SLC1A3: variants seen among roughly 807,000 people sequenced by gnomAD.
SLC1A3 encodes solute carrier family 1 member 3.
Under a neutral mutation model 48.1 loss-of-function variants are expected in SLC1A3, and 21 were observed. The ratio of observed to expected loss-of-function variants is 0.44; its 90% CI spans 0.31 to 0.63. SLC1A3 has a LOEUF of 0.63. SLC1A3 is among the 20% of genes least tolerant of loss of function. The pLI is 0.08. For missense variants in SLC1A3, 546 were observed against 689.0 expected (o/e 0.79, Z 2.32); for synonymous variants, 239 against 251.4 (o/e 0.95, Z 0.47).
rs114520036 is a variant in SLC1A3 at position 36,612,697 on chromosome 5, C to A, written c.181+4093C>A. On this transcript the variant is annotated intron_variant, in intron 2 of 9. Transcript: ENST00000265113. ...TTAAGTGTATTAACTTTATTTAATT[C>A]TCACAACAACCCAGAGAGGGAGGTA... The A allele has an allele frequency of 5.0e-3, 2,124 of 424,284 alleles. 36 individuals are homozygous for A. The highest frequency in any genetic ancestry group is 0.035 in the African/African-American group (1,743 of 49,114). The allele number at this position is 424,284 out of a possible 1,614,324, so 26.3% of individuals were successfully genotyped here.
At chr5:36,620,502 AG>A (rs1176425529) in intron 2 of SLC1A3, among the ~76,000 whole-genome samples, 1 of 152,240 alleles carries the variant, frequency 6.6e-6, no homozygotes, top group Non-Finnish European at 1.5e-5. Flanking sequence ...GGATTGCAGT[AG>A]GGAATCAGAT....
chr5:36,673,325 C>T (rs1274306455), intron 4 of SLC1A3, among the ~76,000 whole-genome samples: 1 of 152,192 alleles, frequency 6.6e-6, no homozygotes, highest in Non-Finnish European at 1.5e-5. Flanking sequence ...CCAATCTCCT[C>T]TTTAAGAGAT....
chr5:36,628,625 A>T lies in SLC1A3; in HGVS notation c.182-825A>T, dbSNP rs77781289. ...GGTAAAGGGGAGAGGGAGTAAATTT[A>T]CACTTTTATTGACACCAATACCTTT... is the stretch of plus-strand genomic sequence containing the variant. On this transcript the variant is annotated intron_variant, in intron 2 of 9. Coordinates refer to ENST00000265113, the MANE Select transcript of SLC1A3 (RefSeq NM_004172.5). 4.1e-3 allele frequency among the ~76,000 whole-genome samples: 622 copies of T among 152,328 alleles called. 17 individuals are homozygous for T. In the East Asian group the frequency reaches 0.057, roughly 14 times the overall value.
At position 36,679,697 on chromosome 5, in the gene SLC1A3, G is replaced by A. The variant is rs766481298; in HGVS notation, c.931G>A (p.Gly311Arg). The A allele has an allele frequency of 1.2e-6, 2 of 1,613,974 alleles. No individual in the cohort carries two copies. Among genetic ancestry groups the A allele is most frequent in the South Asian group, 2.2e-5 (2 of 91,084 alleles). The change falls in exon 7 of 10, where the codon GGG (glycine) becomes AGG (arginine). Residue 311 changes from glycine to arginine, a missense_variant. By Grantham distance (125) the Gly-to-Arg change is moderately radical (BLOSUM62 -2). This residue lies in a region of SLC1A3 where 348 missense variants were observed against 392.0 expected (regional missense o/e 0.89). Transcript: ENST00000265113. ...GGAGATGGAAGACATGGGTGTGATTGGGGGGCAGCTTGCCATGTACACCGT... is the reference window on the plus strand; with the variant it reads ...GGAGATGGAAGACATGGGTGTGATTAGGGGGCAGCTTGCCATGTACACCGT... Reference protein sequence around the residue: ...IVEMEDMGVIGGQLAMYTVTV... With the variant: ...IVEMEDMGVIRGQLAMYTVTV...
intron 3 of SLC1A3, 75 bp downstream of exon 3, chr5:36,629,662 G>T (rs1740060766): frequency 7.7e-7 from 1 of 1,300,576 alleles, no homozygotes; most frequent in Non-Finnish European, 1.1e-6. Flanking sequence ...AGAAAAGCCA[G>T]TGCTTTAGGT....
At chr5:36,684,087 A>G in intron 9 of SLC1A3, 89 bp downstream of exon 9, 1 of 1,525,932 alleles carries the variant, frequency 6.6e-7, no homozygotes, top group Non-Finnish European at 9.1e-7. Context: ...ACATCTACAG[A>G]AAGAACTCTG....
intron 2 of SLC1A3, among the ~76,000 whole-genome samples, chr5:36,616,733 TATC>T (rs895756643): frequency 3.3e-5 from 5 of 152,184 alleles, no homozygotes; most frequent in South Asian, 4.1e-4. Flanking sequence ...TTACTTGAAA[TATC>T]ATCTTTCAAG....
Position 36,632,144 on chromosome 5 carries a change from C to T in SLC1A3, c.319+2557C>T, listed in dbSNP as rs190561717. On this transcript the variant is annotated intron_variant, in intron 3 of 9. Transcript: ENST00000265113. ...AAGTATGATGATAAACGGAGAGGGA[C>T]CCAACTACAGAATAATATGGCAAAA... Among the ~76,000 whole-genome samples, 504 of 152,224 alleles carry T rather than the reference C, an allele frequency of 3.3e-3. 16 individuals are homozygous for T. In the East Asian group the frequency reaches 0.057, roughly 17 times the overall value.
intron 3 of SLC1A3, among the ~76,000 whole-genome samples, chr5:36,632,859 A>G (rs1231160060): frequency 1.3e-5 from 2 of 152,210 alleles, no homozygotes; most frequent in African/African-American, 4.8e-5. Context: ...CTTGTAAGCC[A>G]TGTTCCCTTT....
upstream of SLC1A3, chr5:36,606,516 C>T (rs1203919980): frequency 1.3e-5 from 2 of 152,456 alleles, no homozygotes; most frequent in South Asian, 4.1e-4. Context: ...TCCCCCTCCT[C>T]CCTGTGCGGT....
At position 36,629,427 on chromosome 5, in the gene SLC1A3, CTTTT is replaced by C. The variant is rs78316512; in HGVS notation, c.182-11_182-8del. On this transcript the variant is annotated intron_variant, in intron 2 of 9. Transcript: ENST00000265113. ...CAAAAAAGACTCAATTTTTCTTTTT[CTTTT>C]TTTTTTTTTTTCCTTCAGGTACAAT... 4.4e-4 allele frequency: 646 copies of C among 1,451,892 alleles called. No individual in the cohort carries two copies. The highest frequency in any genetic ancestry group is 1.0e-3 in the Admixed American group (57 of 55,018). The allele number at this position is 1,451,892 out of a possible 1,614,324, so 89.9% of individuals were successfully genotyped here.
intron 2 of SLC1A3, among the ~76,000 whole-genome samples, chr5:36,627,934 C>T (rs1739976356): frequency 6.6e-6 from 1 of 152,118 alleles, no homozygotes; most frequent in African/African-American, 2.4e-5. Flanking sequence ...AAATAGTACC[C>T]TCCTCCTGGG....
intron 3 of SLC1A3, among the ~76,000 whole-genome samples, chr5:36,651,423 C>T (rs1173476390): frequency 2.0e-5 from 3 of 152,258 alleles, no homozygotes; most frequent in Middle Eastern, 3.4e-3. Flanking sequence ...GTAGCATGTT[C>T]TTCCTAAAAC....
chr5:36,657,538 C>A (rs147088914), intron 3 of SLC1A3, among the ~76,000 whole-genome samples: 1 of 152,190 alleles, frequency 6.6e-6, no homozygotes, highest in Admixed American at 6.5e-5. Context: ...CTTTAATCAA[C>A]GACTCAACAA....
intron 2 of SLC1A3, among the ~76,000 whole-genome samples, chr5:36,625,049 A>G (rs1413558115): frequency 6.6e-6 from 1 of 152,256 alleles, no homozygotes; most frequent in Non-Finnish European, 1.5e-5. Flanking sequence ...GAGGCATTAA[A>G]AGAGTAACGG....
At position 36,624,963 on chromosome 5, in the gene SLC1A3, A is replaced by G. The variant is rs149516340; in HGVS notation, c.182-4487A>G. Among the ~76,000 whole-genome samples, 554 of 152,280 alleles carry G rather than the reference A, an allele frequency of 3.6e-3. 4 individuals carry two copies. Among genetic ancestry groups the G allele is most frequent in the African/African-American group, 0.013 (537 of 41,542 alleles). On this transcript the variant is annotated intron_variant, in intron 2 of 9. Coordinates refer to ENST00000265113, the MANE Select transcript of SLC1A3 (RefSeq NM_004172.5). The stretch of plus-strand genomic sequence containing the variant: ...GGCGTTCACCATGTAGGAGTTCAAG[A>G]TGCTAAAGACCCAGGAACCAGGCTC...
intron 2 of SLC1A3, among the ~76,000 whole-genome samples, chr5:36,627,960 A>T (rs528933700): frequency 1.1e-4 from 17 of 152,328 alleles, no homozygotes; most frequent in African/African-American, 2.9e-4. Flanking sequence ...TGCAAGGATT[A>T]AATTTGCTGC....
intron 8 of SLC1A3, among the ~76,000 whole-genome samples, chr5:36,682,183 C>T (rs1166530903): frequency 6.6e-6 from 1 of 152,210 alleles, no homozygotes; most frequent in Non-Finnish European, 1.5e-5. Flanking sequence ...ACAGATTTTA[C>T]TTCCAGACCA....
At chr5:36,673,985 C>A in intron 4 of SLC1A3, 64 bp from the exon 5 acceptor site, 1 of 1,293,048 alleles carries the variant, frequency 7.7e-7, no homozygotes, top group Non-Finnish European at 1.1e-6. Context: ...CACAATGAAA[C>A]AGAATTTAAG....
Sources: gnomAD v4.1 joint callset for allele counts (sites outside exome capture counted in the v4.1 genomes callset) on GRCh38, gnomAD v4.1.1 for gene constraint, gnomAD v4.1.1 regional missense constraint, MANE v1.5 for transcripts, NCBI Gene and HGNC (gene_info 2026-07-23, HGNC 2026-07-21) for gene names.